Variants in B3GAT1 observed in about 807,000 individuals in gnomAD.
B3GAT1 encodes beta-1,3-glucuronyltransferase 1, also known as galactosylgalactosylxylosylprotein 3-beta-glucuronosyltransferase 1.
Under a neutral mutation model 28.4 loss-of-function variants are expected in B3GAT1, and 11 were observed. The ratio of observed to expected loss-of-function variants is 0.39; its 90% CI spans 0.24 to 0.64. The LOEUF (loss-of-function observed/expected upper bound fraction) is 0.64, where lower values mean the gene tolerates loss of function less well. B3GAT1 is among the 30% of genes least tolerant of loss of function. The pLI, the probability that B3GAT1 is intolerant of heterozygous loss-of-function variation, is 0.50. For missense variants in B3GAT1, 375 were observed against 491.0 expected (o/e 0.76, Z 2.23); for synonymous variants, 255 against 223.1 (o/e 1.14, Z -1.27).
In B3GAT1 at chr11:134,410,036, A is replaced by C. The variant is rs187006102; in HGVS notation, c.-282+1771T>G. 2.8e-4 allele frequency among the ~76,000 whole-genome samples: 43 copies of C among 152,206 alleles called. No homozygotes were observed. The East Asian group carries it at 7.7e-3, about 27-fold the overall frequency. On this transcript the variant is annotated intron_variant, in intron 1 of 5. Coordinates refer to ENST00000312527, the MANE Select transcript of B3GAT1 (RefSeq NM_054025.3). ...TCCACACCTAGGAAAAGTATATCTGACTTGGTCCCCTTATCCCCGAGAAAC... is the reference window on the plus strand; with the variant it reads ...TCCACACCTAGGAAAAGTATATCTGCCTTGGTCCCCTTATCCCCGAGAAAC...
At chr11:134,384,402 A>AT in intron 2 of B3GAT1, 3 of 574,246 alleles carry the variant, frequency 5.2e-6, no homozygotes, top group Non-Finnish European at 8.7e-6. Flanking sequence ...TGACACAGAC[A>AT]TAACCTCTTC....
chr11:134,401,995 C>T (rs905305439), intron 1 of B3GAT1, among the ~76,000 whole-genome samples: 31 of 147,796 alleles, frequency 2.1e-4, no homozygotes, highest in Admixed American at 1.4e-3. Flanking sequence ...AGCCTGACCA[C>T]TGTCGGGAGG....
chr11:134,389,775 T>C (rs1232668082), intron 1 of B3GAT1: 1 of 152,300 alleles, frequency 6.6e-6, no homozygotes, highest in East Asian at 1.9e-4. Flanking sequence ...TCAGGCAGAG[T>C]CGAGTGCTAT....
chr11:134,405,013 C>T (rs370609933), intron 1 of B3GAT1, among the ~76,000 whole-genome samples: 219 of 152,196 alleles, frequency 1.4e-3, no homozygotes, highest in Middle Eastern at 6.8e-3. Flanking sequence ...CCCCGTGCCA[C>T]GAGCGGCCGT....
chr11:134,395,228 G>C (rs1000782088), intron 1 of B3GAT1, among the ~76,000 whole-genome samples: 1 of 152,214 alleles, frequency 6.6e-6, no homozygotes, highest in Non-Finnish European at 1.5e-5. Context: ...GTGGGGAAGC[G>C]GGGATGGGCA....
chr11:134,407,381 C>T (rs957424996), intron 1 of B3GAT1, among the ~76,000 whole-genome samples: 1 of 152,218 alleles, frequency 6.6e-6, no homozygotes, highest in African/African-American at 2.4e-5. Flanking sequence ...CTCCCCACGC[C>T]GTGCCGTCAT....
At chr11:134,401,998 T>A (rs1944626117) in intron 1 of B3GAT1, among the ~76,000 whole-genome samples, 1 of 140,394 alleles carries the variant, frequency 7.1e-6, no homozygotes, top group Non-Finnish European at 1.5e-5. Flanking sequence ...CTGACCACTG[T>A]CGGGAGGCGG....
intron 1 of B3GAT1, chr11:134,388,994 A>C (rs755846832): frequency 4.6e-5 from 7 of 152,226 alleles, no homozygotes; most frequent in Admixed American, 3.3e-4. Context: ...GCTGGCTAGA[A>C]TGGCAGCTCT....
rs990436286 is a variant in B3GAT1 at position 134,411,327 on chromosome 11, G to A, written c.-282+480C>T. On this transcript the variant is annotated intron_variant, in intron 1 of 5. Transcript: ENST00000312527. This position sits in a 1 kb window ranked among gnomAD's most constrained non-coding sequence, Gnocchi z 6.0. ...TTGCTACCCCTGGGTCCCTCAGCGC[G>A]CCCCGCAGAGCTCGGGCCCCCTCAA... is the stretch of plus-strand genomic sequence containing the variant. Among the ~76,000 whole-genome samples the A allele has an allele frequency of 1.3e-5, 2 of 152,118 alleles. No individual in the cohort carries two copies. The highest frequency in any genetic ancestry group is 1.3e-4 in the Admixed American group (2 of 15,284).
At position 134,387,905 on chromosome 11, in the gene B3GAT1, C is replaced by T; in HGVS notation, c.-246G>A. 6.7e-7 allele frequency: 1 copy of T among 1,491,524 alleles called. No individual in the cohort carries two copies. The highest frequency in any genetic ancestry group is 9.0e-7 in the Non-Finnish European group (1 of 1,117,294). 92.4% of individuals were successfully genotyped at this position (1,491,524 alleles called of 1,614,324 possible). ...TGGAGTCTGAGAAGGGGTCGCTGTC[C>T]AGGGGCAGGGGTCAGGAACCCTGGG... On this transcript the variant is annotated 5_prime_UTR_variant, in exon 2 of 6. Coordinates refer to ENST00000312527, the MANE Select transcript of B3GAT1 (RefSeq NM_054025.3).
At chr11:134,404,275 G>GT (rs113382185) in intron 1 of B3GAT1, among the ~76,000 whole-genome samples, 6,800 of 151,660 alleles carry the variant, frequency 0.045, 164 homozygotes, top group East Asian at 0.064. Context: ...GCGGTGTTTG[G>GT]TTTTTTGTCC....
intron 1 of B3GAT1, among the ~76,000 whole-genome samples, chr11:134,396,416 T>C (rs1342405626): frequency 6.6e-6 from 1 of 152,040 alleles, no homozygotes; most frequent in African/African-American, 2.4e-5. Flanking sequence ...CTCTTTGCTC[T>C]CCTCTGTCCT....
At position 134,412,228 on chromosome 11, in the gene B3GAT1, T is replaced by TGCCGCCGCGGCTCTGCCGGC. The variant is rs1944877121; in HGVS notation, c.-704_-703insGCCGGCAGAGCCGCGGCGGC. On this transcript the variant is annotated 5_prime_UTR_variant, in exon 1 of 6. Coordinates refer to ENST00000312527, the MANE Select transcript of B3GAT1 (RefSeq NM_054025.3). ...CCCGAGGTGGCGGCGGATGCGCCGG[T>TGCCGCCGCGGCTCTGCCGGC]GCCGCCGCGGCTCTGCCGGCGCCTC... is the stretch of plus-strand genomic sequence containing the variant. 7.0e-6 allele frequency among the ~76,000 whole-genome samples: 1 copy of TGCCGCCGCGGCTCTGCCGGC among 142,484 alleles called. No individual in the cohort carries two copies. The highest frequency in any genetic ancestry group is 1.5e-5 in the Non-Finnish European group (1 of 64,818). 93.5% of individuals were successfully genotyped at this position (142,484 alleles called of 152,430 possible).
chr11:134,387,280 C>G (rs1944311100), intron 2 of B3GAT1: 1 of 444,204 alleles, frequency 2.3e-6, no homozygotes, highest in African/African-American at 2.0e-5. Context: ...GTGCCCCCTC[C>G]TCTTGGGTGC....
chr11:134,401,160 A>G (rs1944606703), intron 1 of B3GAT1, among the ~76,000 whole-genome samples: 1 of 152,260 alleles, frequency 6.6e-6, no homozygotes, highest in Non-Finnish European at 1.5e-5. Flanking sequence ...AGATGAGTTC[A>G]GCCACTGTGG....
intron 1 of B3GAT1, chr11:134,409,677 A>AG (rs1328196125): frequency 6.6e-6 from 1 of 152,258 alleles, no homozygotes; most frequent in Non-Finnish European, 1.5e-5. Context: ...GTAGGGGAAC[A>AG]GGGGGAGGCC....
At chr11:134,394,299 C>G (rs559273804) in intron 1 of B3GAT1, among the ~76,000 whole-genome samples, 7 of 152,368 alleles carry the variant, frequency 4.6e-5, no homozygotes, top group African/African-American at 1.7e-4. Context: ...GGCAGACACA[C>G]AGATCTCGTC....
At chr11:134,396,357 G>A (rs1344786428) in intron 1 of B3GAT1, among the ~76,000 whole-genome samples, 20 of 152,124 alleles carry the variant, frequency 1.3e-4, no homozygotes, top group Non-Finnish European at 1.5e-5. Flanking sequence ...TGAGGGTGAC[G>A]GCAGAACCCA....
At chr11:134,403,182 G>A (rs1316353143) in intron 1 of B3GAT1, among the ~76,000 whole-genome samples, 1 of 152,114 alleles carries the variant, frequency 6.6e-6, no homozygotes, top group African/African-American at 2.4e-5. Flanking sequence ...CTCAAGACAG[G>A]CCTCCACATA....
Sources: gnomAD v4.1 joint callset for allele counts (sites outside exome capture counted in the v4.1 genomes callset) on GRCh38, gnomAD v4.1.1 for gene constraint, Gnocchi (gnomAD v3.1) non-coding constraint, MANE v1.5 for transcripts, NCBI Gene and HGNC (gene_info 2026-07-23, HGNC 2026-07-21) for gene names.